Variants in COL11A1 observed in about 807,000 individuals in gnomAD.
COL11A1 encodes the protein collagen alpha-1(XI) chain.
COL11A1 carries 74 observed loss-of-function variants against 265.2 expected under a neutral mutation model. The observed-to-expected ratio is 0.28, with a 90% CI of 0.23 to 0.34. The LOEUF (loss-of-function observed/expected upper bound fraction) is 0.34, where lower values mean the gene tolerates loss of function less well. COL11A1 is among the 10% of genes least tolerant of loss of function. COL11A1 has a pLI of 1.00. For synonymous variants in COL11A1, 816 were observed against 727.6 expected, an observed-to-expected ratio of 1.12 and a Z score of -1.96; for missense variants, 2,165 against 2,263.6, an observed-to-expected ratio of 0.96 and a Z score of 0.88.
At chr1:102,989,670 A>C in intron 28 of COL11A1, 99 bp from the exon 29 acceptor site, 1 of 766,362 alleles carries the variant, frequency 1.3e-6, no homozygotes, top group East Asian at 2.7e-5. Context: ...ACGAGGGAAA[A>C]TTATTTTTGA....
chr1:102,972,916 G>A (rs867274027), intron 36 of COL11A1, among the ~76,000 whole-genome samples: 3 of 151,870 alleles, frequency 2.0e-5, no homozygotes, highest in African/African-American at 7.3e-5. Context: ...AAAATATGCC[G>A]ATATGGGCAT....
At position 102,876,513 on chromosome 1, in the gene COL11A1, T is replaced by C. The variant is rs907998923; in HGVS notation, c.*1506A>G. 3.9e-5 allele frequency: 6 copies of C among 152,488 alleles called. No homozygotes were observed. Among genetic ancestry groups the C allele is most frequent in the Admixed American group, 6.6e-5 (1 of 15,264 alleles). 9.4% of individuals were successfully genotyped at this position (152,488 alleles called of 1,614,324 possible). On this transcript the variant is annotated 3_prime_UTR_variant, in exon 67 of 67. Coordinates refer to ENST00000370096, the MANE Select transcript of COL11A1 (RefSeq NM_001854.4). ...TTTATTTATTGGATTCATATCTCCC[T>C]TCTTAAAAGGACATTTACAAACTCG...
intron 42 of COL11A1, among the ~76,000 whole-genome samples, chr1:102,942,486 A>G (rs1172809778): frequency 2.6e-5 from 4 of 152,100 alleles, no homozygotes; most frequent in African/African-American, 9.7e-5. Flanking sequence ...CTCTTGGCCC[A>G]CAATCTGCAC....
chr1:102,914,715 T>C lies in COL11A1; in HGVS notation c.3913A>G (p.Lys1305Glu), dbSNP rs1189962617. The C allele has an allele frequency of 1.2e-6, 2 of 1,612,360 alleles. No homozygotes were observed. The highest frequency in any genetic ancestry group is 1.7e-5 in the Admixed American group (1 of 59,936). ...AKGPPGDDGP[K>E]GNPGPVGFPG... ...CCAAACTCACTTACCGGGTTACCCT[T>C]AGGGCCATCATCACCTGGTGGCCCC... The change falls in exon 51 of 67, where the codon AAG (lysine) becomes GAG (glutamate). Residue 1305 changes from lysine (K) to glutamate (E), a missense_variant. Coordinates refer to ENST00000370096, the MANE Select transcript of COL11A1 (RefSeq NM_001854.4).
At chr1:102,945,523 C>A (rs1339114137) in intron 42 of COL11A1, among the ~76,000 whole-genome samples, 2 of 152,086 alleles carry the variant, frequency 1.3e-5, no homozygotes, top group African/African-American at 2.4e-5. Context: ...GAAAGCAAAT[C>A]AACTTGATAA....
At chr1:103,056,060 TTTTG>T (rs1485966313) in intron 4 of COL11A1, among the ~76,000 whole-genome samples, 6 of 152,190 alleles carry the variant, frequency 3.9e-5, no homozygotes, top group African/African-American at 1.4e-4. Context: ...TTTTATTTTG[TTTTG>T]TTTTTGTTTT....
intron 4 of COL11A1, among the ~76,000 whole-genome samples, chr1:103,073,237 A>T (rs1375181837): frequency 1.3e-5 from 2 of 151,826 alleles, no homozygotes; most frequent in African/African-American, 4.8e-5. Flanking sequence ...ATCAATTTTT[A>T]AAAAAGGAAA....
chr1:103,001,946 T>A lies in COL11A1; in HGVS notation c.2121A>T (p.Pro707=), dbSNP rs1229070099. The part of the protein sequence containing the change: ...GPQGLPGPQG[P]IGPPGEKGPQ... Reference sequence around the variant, plus strand: ...TTACTTTTTCACCAGGAGGACCAATTGGACCTTGTGGACCAGGAAGACCCT... The same window carrying A: ...TTACTTTTTCACCAGGAGGACCAATAGGACCTTGTGGACCAGGAAGACCCT... The change falls in exon 24 of 67, where the codon CCA becomes CCT. Residue 707 remains proline, a synonymous_variant. Coordinates refer to ENST00000370096, the MANE Select transcript of COL11A1 (RefSeq NM_001854.4). 1 of 1,613,304 alleles carries A rather than the reference T, an allele frequency of 6.2e-7. No homozygotes were observed.
At chr1:102,924,452 C>T (rs1021568538) in intron 46 of COL11A1, among the ~76,000 whole-genome samples, 1 of 152,180 alleles carries the variant, frequency 6.6e-6, no homozygotes, top group Non-Finnish European at 1.5e-5. Context: ...CACAACAATA[C>T]TTTGTACATA....
intron 62 of COL11A1, among the ~76,000 whole-genome samples, chr1:102,887,521 T>A (rs1275488397): frequency 6.6e-6 from 1 of 152,156 alleles, no homozygotes; most frequent in Admixed American, 6.6e-5. Context: ...TACACATTAG[T>A]TTGCTTCAAA....
At chr1:103,074,149 T>G (rs937942462) in intron 4 of COL11A1, among the ~76,000 whole-genome samples, 20 of 151,960 alleles carry the variant, frequency 1.3e-4, no homozygotes, top group Non-Finnish European at 4.4e-5. Context: ...TCTTTACATA[T>G]TTTTTAAAGT....
chr1:102,877,796 GC>G lies in COL11A1; in HGVS notation c.*222del, dbSNP rs1344824488. 4 of 479,780 alleles carry G rather than the reference GC, an allele frequency of 8.3e-6. No homozygotes were observed. The highest frequency in any genetic ancestry group is 1.5e-5 in the Non-Finnish European group (4 of 266,188). The allele number at this position is 479,780 out of a possible 1,614,324, so 29.7% of individuals were successfully genotyped here. On this transcript the variant is annotated 3_prime_UTR_variant, in exon 67 of 67. Coordinates refer to ENST00000370096, the MANE Select transcript of COL11A1 (RefSeq NM_001854.4). ...GTTGAGAATTGGGAATCAAGAATCAGCCCTGTTTCCATCTTAGCCACACCAA... is the reference window on the plus strand; with the variant it reads ...GTTGAGAATTGGGAATCAAGAATCAGCCTGTTTCCATCTTAGCCACACCAA...
chr1:103,061,889 C>A (rs771307236), intron 4 of COL11A1, among the ~76,000 whole-genome samples: 1 of 151,926 alleles, frequency 6.6e-6, no homozygotes, highest in African/African-American at 2.4e-5. Flanking sequence ...ATAGAATTAG[C>A]ATCCAAACCA....
chr1:102,970,838 A>G (rs540058913), intron 36 of COL11A1, among the ~76,000 whole-genome samples: 5 of 151,548 alleles, frequency 3.3e-5, no homozygotes, highest in Non-Finnish European at 7.4e-5. Context: ...ACATGCTGAA[A>G]CCCCGTCTCT....
chr1:103,053,520 C>T (rs1177940163), intron 4 of COL11A1, among the ~76,000 whole-genome samples: 1 of 152,088 alleles, frequency 6.6e-6, no homozygotes, highest in Non-Finnish European at 1.5e-5. Flanking sequence ...AATAATGTGG[C>T]ACATTTTTGT....
chr1:102,933,958 TGC>T (rs1261262028), intron 46 of COL11A1, among the ~76,000 whole-genome samples: 4 of 152,064 alleles, frequency 2.6e-5, no homozygotes, highest in Admixed American at 2.0e-4. Context: ...TCGCACACGG[TGC>T]GCGCACCCAC....
rs1389498908 is a variant in COL11A1, at chr1:102,879,774, T to C, written c.5183A>G (p.Tyr1728Cys). 1.2e-6 allele frequency: 2 copies of C among 1,613,988 alleles called. No homozygotes were observed. The highest frequency in any genetic ancestry group is 3.3e-5 in the Admixed American group (2 of 59,980). Residue 1728 changes from tyrosine (Y) to cysteine (C), a missense_variant, in exon 66 of 67, where the codon TAT becomes TGT. By Grantham distance (194) the Tyr-to-Cys change is radical. Transcript: ENST00000370096. ...AAWYDVSSGS[Y>C]DKALRFLGSN... ...TCCCAGGAAGCGAAGTGCTTTGTCA[T>C]AACTTCCTGATGACACATCATACCA... is the stretch of plus-strand genomic sequence containing the variant.
chr1:102,893,989 A>G (rs1255054794), intron 57 of COL11A1, among the ~76,000 whole-genome samples: 1 of 152,164 alleles, frequency 6.6e-6, no homozygotes, highest in African/African-American at 2.4e-5. Context: ...TTTGTTATCA[A>G]AAGCAGAAAT....
In COL11A1 at chr1:103,006,322, C is replaced by G. The variant is rs201494436; in HGVS notation, c.1684-7G>C. The G allele has an allele frequency of 6.2e-5, 100 of 1,605,618 alleles. No individual in the cohort carries two copies. The highest frequency in any genetic ancestry group is 8.0e-5 in the African/African-American group (6 of 74,684). ...CCTGGACGCCTCGAGGGCCCTATATCAAGACATCATAATTAAACCATATTA... is the reference window on the plus strand; with the variant it reads ...CCTGGACGCCTCGAGGGCCCTATATGAAGACATCATAATTAAACCATATTA... On this transcript the variant is annotated splice_polypyrimidine_tract_variant and splice_region_variant and intron_variant, in intron 15 of 66. Transcript: ENST00000370096.
Sources: allele counts gnomAD v4.1 joint callset (sites outside exome capture counted in the v4.1 genomes callset), GRCh38; gene constraint gnomAD v4.1.1; transcripts MANE v1.5; gene names NCBI Gene and HGNC (gene_info 2026-07-23, HGNC 2026-07-21).